The following SUZ12 variants were observed in gnomAD, a reference collection of about 807,000 sequenced individuals.
The protein encoded by SUZ12 is SUZ12 polycomb repressive complex 2 subunit.
SUZ12 carries 17 observed loss-of-function variants against 87.3 expected under a neutral mutation model. That is an observed-to-expected ratio of 0.19 (90% CI 0.13 to 0.29). The LOEUF is 0.29. Among genes scored for constraint, SUZ12 ranks in the 10% least tolerant of loss-of-function variants. The pLI, the probability that SUZ12 is intolerant of heterozygous loss-of-function variation, is 1.00. For missense variants in SUZ12, 526 were observed against 912.2 expected, an observed-to-expected ratio of 0.58 and a Z score of 5.45; for synonymous variants, 253 against 312.4, an observed-to-expected ratio of 0.81 and a Z score of 2.01.
intron 3 of SUZ12, among the ~76,000 whole-genome samples, chr17:31,946,103 T>C (rs1280877033): frequency 3.9e-5 from 6 of 152,200 alleles, no homozygotes. Flanking sequence ...TTTTTTCCCT[T>C]AAGATCTTTA....
At chr17:31,986,517 C>T (rs767818747) in intron 9 of SUZ12, among the ~76,000 whole-genome samples, 2 of 151,822 alleles carry the variant, frequency 1.3e-5, no homozygotes, top group Non-Finnish European at 2.9e-5. Context: ...TCTGAACACA[C>T]TTTTACTACA....
At chr17:31,938,756 C>A (rs1363762593) in intron 1 of SUZ12, among the ~76,000 whole-genome samples, 2 of 152,124 alleles carry the variant, frequency 1.3e-5, no homozygotes, top group Non-Finnish European at 2.9e-5. Flanking sequence ...TAAAATAAAA[C>A]CAATTGAAGA....
At chr17:31,979,054 T>C (rs1337738137) in intron 8 of SUZ12, among the ~76,000 whole-genome samples, 5 of 138,630 alleles carry the variant, frequency 3.6e-5, no homozygotes, top group Non-Finnish European at 7.5e-5. Flanking sequence ...TACAGTGAGT[T>C]GAGATCGCGC....
chr17:31,939,951 A>T (rs201986412), intron 1 of SUZ12, among the ~76,000 whole-genome samples: 1 of 152,230 alleles, frequency 6.6e-6, no homozygotes, highest in African/African-American at 2.4e-5. Flanking sequence ...GAAAATCGGT[A>T]ATAAATAGTT....
At chr17:31,949,705 T>TTTTTTTTTTTTTTTTTTTTTTTTG (rs1367680305) in intron 4 of SUZ12, among the ~76,000 whole-genome samples, 1 of 96,504 alleles carries the variant, frequency 1.0e-5, no homozygotes, top group African/African-American at 4.1e-5. Context: ...TTTTTTTTTT[T>TTTTTTTTTTTTTTTTTTTTTTTTG]GAGACCAAGT....
chr17:31,970,767 A>T (rs1234829242), intron 5 of SUZ12, among the ~76,000 whole-genome samples: 1 of 151,574 alleles, frequency 6.6e-6, no homozygotes, highest in Non-Finnish European at 1.5e-5. Context: ...ATTCCATTGC[A>T]CTCTAGCCTG....
At position 31,988,410 on chromosome 17, in the gene SUZ12, C is replaced by T. The variant is rs758186567; in HGVS notation, c.1114C>T (p.Pro372Ser). The change falls in exon 10 of 16, where the codon CCT becomes TCT. Residue 372 changes from proline to serine, a missense_variant. By Grantham distance (74) the Pro-to-Ser change is moderately conservative. Coordinates refer to ENST00000322652, the MANE Select transcript of SUZ12 (RefSeq NM_015355.4). ...TGETNDKSTA[P>S]IAKPLATRNS... ...AGAGACCAATGATAAATCTACGGCT[C>T]CTATTGCCAAACCTCTTGCCACTAG... 6.2e-7 allele frequency: 1 copy of T among 1,613,896 alleles called. No individual in the cohort carries two copies. Among genetic ancestry groups the T allele is most frequent in the Admixed American group, 1.7e-5 (1 of 59,960 alleles).
At chr17:31,963,488 GT>G (rs1907869295) in intron 4 of SUZ12, among the ~76,000 whole-genome samples, 3 of 115,092 alleles carry the variant, frequency 2.6e-5, no homozygotes, top group South Asian at 3.7e-4. Flanking sequence ...TGGTTCTTAG[GT>G]ATTTTTTTTG....
chr17:31,937,577 G>A (rs2142113321), intron 1 of SUZ12, 57 bp downstream of exon 1: 2 of 1,525,796 alleles, frequency 1.3e-6, no homozygotes, highest in South Asian at 2.4e-5. Flanking sequence ...CACCGGGGAT[G>A]GGACACTCTG....
Position 31,988,463 on chromosome 17 carries a change from C to T in SUZ12, c.1167C>T (p.Asn389=), listed in dbSNP as rs888016285. ...ATTCAGAGAGTCTCCATCAGGAAAA[C>T]AAGCCTGGTTCAGTTAAACCTACTC... The part of the protein sequence containing the change: ...TRNSESLHQE[N]KPGSVKPTQT... The change falls in exon 10 of 16, where the codon AAC becomes AAT. Residue 389 remains asparagine, a synonymous_variant. Coordinates refer to ENST00000322652, the MANE Select transcript of SUZ12 (RefSeq NM_015355.4). 2 of 1,608,802 alleles carry T rather than the reference C, an allele frequency of 1.2e-6. No homozygotes were observed. The highest frequency in any genetic ancestry group is 2.7e-5 in the African/African-American group (2 of 74,528).
chr17:31,962,849 A>T (rs1706203523), intron 4 of SUZ12, among the ~76,000 whole-genome samples: 1 of 152,248 alleles, frequency 6.6e-6, no homozygotes, highest in African/African-American at 2.4e-5. Context: ...GTAGATTCTT[A>T]TGAAAGTTAA....
intron 4 of SUZ12, among the ~76,000 whole-genome samples, chr17:31,955,842 A>T (rs200381965): frequency 6.6e-6 from 1 of 152,060 alleles, no homozygotes; most frequent in Non-Finnish European, 1.5e-5. Flanking sequence ...TCAGCCTCTC[A>T]AAGCATTGAG....
At chr17:31,978,846 G>C (rs1228905745) in intron 8 of SUZ12, among the ~76,000 whole-genome samples, 1 of 151,980 alleles carries the variant, frequency 6.6e-6, no homozygotes, top group Non-Finnish European at 1.5e-5. Flanking sequence ...GGTGGCTCAC[G>C]CCTGTAATCC....
In SUZ12 at chr17:31,993,934, C is replaced by T. The variant is rs763335960; in HGVS notation, c.1363C>T (p.Leu455=). The T allele has an allele frequency of 1.9e-6, 3 of 1,613,786 alleles. No individual in the cohort carries two copies. Among genetic ancestry groups the T allele is most frequent in the Non-Finnish European group, 2.5e-6 (3 of 1,179,922 alleles). ...TGACCTGCATTGCCCTTGGTGTACT[C>T]TGAACTGCCGCAAACTTTATAGTTT... The part of the protein sequence containing the change: ...RDDLHCPWCT[L]NCRKLYSLLK... The change falls in exon 12 of 16, where the codon CTG becomes TTG. Residue 455 remains leucine (L), a synonymous_variant. Transcript: ENST00000322652.
intron 4 of SUZ12, among the ~76,000 whole-genome samples, chr17:31,955,756 TTACAG>T (rs1907282566): frequency 6.6e-6 from 1 of 151,456 alleles, no homozygotes; most frequent in South Asian, 2.1e-4. Context: ...TCAAAAAAAC[TTACAG>T]TAGAGATCCA....
intron 8 of SUZ12, among the ~76,000 whole-genome samples, chr17:31,979,703 T>G (rs1349919385): frequency 6.6e-6 from 1 of 152,318 alleles, no homozygotes; most frequent in East Asian, 1.9e-4. Flanking sequence ...ATCACTCAGT[T>G]AAGATGCTGT....
chr17:31,967,714 A>G (rs910485539), intron 5 of SUZ12: 5 of 152,104 alleles, frequency 3.3e-5, no homozygotes, highest in African/African-American at 1.2e-4. Context: ...CATCTCTACA[A>G]AAATTAGCCA....
chr17:31,954,695 T>TA (rs1380498008), intron 4 of SUZ12, among the ~76,000 whole-genome samples: 1 of 152,140 alleles, frequency 6.6e-6, no homozygotes. Context: ...TTTGAGGTGT[T>TA]AGATTTGGGA....
chr17:31,954,858 A>T (rs2142140606), intron 4 of SUZ12, among the ~76,000 whole-genome samples: 1 of 152,370 alleles, frequency 6.6e-6, no homozygotes, highest in Non-Finnish European at 1.5e-5. Flanking sequence ...GTAGCTGTGT[A>T]GAAAGAGCAA....
Sources: gnomAD v4.1 joint callset for allele counts (sites outside exome capture counted in the v4.1 genomes callset) on GRCh38, gnomAD v4.1.1 for gene constraint, MANE v1.5 for transcripts, NCBI Gene and HGNC (gene_info 2026-07-23, HGNC 2026-07-21) for gene names.